The following CNTNAP2 variants were observed in gnomAD, a reference collection of about 807,000 sequenced individuals.
CNTNAP2 encodes contactin-associated protein-like 2.
In CNTNAP2, 98 loss-of-function variants were observed where a neutral mutation model predicts 155.2. That is an observed-to-expected ratio of 0.63 (90% CI 0.54 to 0.75). The LOEUF is 0.75. Among genes scored for constraint, CNTNAP2 ranks in the 30% least tolerant of loss-of-function variants. The probability of loss-of-function intolerance (pLI) is 0.00; values close to 1 mark genes in which losing one functional copy is unlikely to be tolerated. For synonymous variants in CNTNAP2, 651 were observed against 631.2 expected (o/e 1.03, Z -0.47); for missense variants, 1,727 against 1,688.1 (o/e 1.02, Z -0.40).
chr7:146,248,145 C>T (rs1478331641), intron 1 of CNTNAP2, among the ~76,000 whole-genome samples: 2 of 151,592 alleles, frequency 1.3e-5, no homozygotes, highest in African/African-American at 4.9e-5. Context: ...AATAAGGGAT[C>T]AGGGCGCAGA....
intron 9 of CNTNAP2, among the ~76,000 whole-genome samples, chr7:147,335,776 T>C (rs1795654263): frequency 6.6e-6 from 1 of 152,192 alleles, no homozygotes; most frequent in South Asian, 2.1e-4. Context: ...ACAGCATGGA[T>C]TACTGTACTC....
intron 1 of CNTNAP2, among the ~76,000 whole-genome samples, chr7:146,488,630 T>C (rs558925668): frequency 6.6e-6 from 1 of 152,152 alleles, no homozygotes; most frequent in East Asian, 1.9e-4. Flanking sequence ...TTTTTTGTTT[T>C]GTTTTGTTTG....
intron 10 of CNTNAP2, among the ~76,000 whole-genome samples, chr7:147,424,209 T>C (rs1797342843): frequency 6.6e-6 from 1 of 152,168 alleles, no homozygotes; most frequent in South Asian, 2.1e-4. Context: ...TTGTTTAAAA[T>C]ACCTACTTAT....
intron 15 of CNTNAP2, among the ~76,000 whole-genome samples, chr7:148,058,451 G>A (rs960361821): frequency 1.3e-5 from 2 of 152,148 alleles, no homozygotes; most frequent in African/African-American, 4.8e-5. Flanking sequence ...TAGGAGATGA[G>A]GATGCAGCTT....
chr7:146,603,806 A>G (rs1798992767), intron 1 of CNTNAP2, among the ~76,000 whole-genome samples: 1 of 150,030 alleles, frequency 6.7e-6, no homozygotes, highest in African/African-American at 2.4e-5. Flanking sequence ...AAACCTGAGA[A>G]AAACAAGCAA....
At chr7:147,613,104 T>C (rs1801218502) in intron 12 of CNTNAP2, among the ~76,000 whole-genome samples, 1 of 152,206 alleles carries the variant, frequency 6.6e-6, no homozygotes, top group Non-Finnish European at 1.5e-5. Context: ...TTTTCCAAAA[T>C]AGCTCCAAGA....
chr7:146,608,909 A>T (rs1799090385), intron 1 of CNTNAP2, among the ~76,000 whole-genome samples: 1 of 152,000 alleles, frequency 6.6e-6, no homozygotes, highest in Admixed American at 6.6e-5. Flanking sequence ...ATTGCATCCT[A>T]TTTTTTGCAG....
intron 10 of CNTNAP2, among the ~76,000 whole-genome samples, chr7:147,445,271 A>G (rs1022605504): frequency 1.8e-4 from 27 of 152,146 alleles, no homozygotes; most frequent in African/African-American, 6.3e-4. Flanking sequence ...GCTTCCTTTC[A>G]TCTTTTACTT....
intron 12 of CNTNAP2, among the ~76,000 whole-genome samples, chr7:147,633,198 A>G (rs529657533): frequency 6.6e-6 from 1 of 152,336 alleles, no homozygotes; most frequent in Admixed American, 6.5e-5. Flanking sequence ...AGCTCAAGCC[A>G]TTGCTTCAGA....
chr7:147,777,120 T>C (rs1333185034), intron 13 of CNTNAP2, among the ~76,000 whole-genome samples: 1 of 152,138 alleles, frequency 6.6e-6, no homozygotes, highest in Non-Finnish European at 1.5e-5. Flanking sequence ...TGTTATAATA[T>C]AGCATTTCAA....
At chr7:146,914,263 C>A (rs1435004311) in intron 3 of CNTNAP2, among the ~76,000 whole-genome samples, 1 of 151,902 alleles carries the variant, frequency 6.6e-6, no homozygotes, top group Non-Finnish European at 1.5e-5. Flanking sequence ...AACATATGTG[C>A]AAGTATCTTT....
At chr7:146,788,713 A>C (rs1802621606) in intron 2 of CNTNAP2, among the ~76,000 whole-genome samples, 1 of 152,178 alleles carries the variant, frequency 6.6e-6, no homozygotes, top group Admixed American at 6.5e-5. Flanking sequence ...AAACAGCATT[A>C]ACATGTTTAA....
intron 15 of CNTNAP2, among the ~76,000 whole-genome samples, chr7:148,107,815 G>A (rs1053253666): frequency 1.3e-5 from 2 of 152,188 alleles, no homozygotes; most frequent in Non-Finnish European, 2.9e-5. Flanking sequence ...AGTCTCTTCA[G>A]AGCTGCTATT....
At chr7:146,383,441 A>C (rs1795419017) in intron 1 of CNTNAP2, among the ~76,000 whole-genome samples, 1 of 152,134 alleles carries the variant, frequency 6.6e-6, no homozygotes, top group Admixed American at 6.6e-5. Flanking sequence ...TCTGATGAAA[A>C]TGATCTGGTG....
Position 147,414,941 on chromosome 7 carries a change from CAAAAAAAAAAAAA to C in CNTNAP2, c.1670+19171_1670+19183del, listed in dbSNP as rs67048724. Among the ~76,000 whole-genome samples the C allele has an allele frequency of 8.8e-4, 45 of 50,952 alleles. 1 individual carries two copies. Among genetic ancestry groups the C allele is most frequent in the African/African-American group, 2.7e-3 (41 of 15,144 alleles). The allele number at this position is 50,952 out of a possible 152,430, so 33.4% of individuals were successfully genotyped here. On this transcript the variant is annotated intron_variant, in intron 10 of 23. Coordinates refer to ENST00000361727, the MANE Select transcript of CNTNAP2 (RefSeq NM_014141.6). Reference sequence around the variant, plus strand: ...TGGGTGAAAGAGAGAGACTCCTTCTCAAAAAAAAAAAAAAAAAAAAAAGAAAAGAAAAAAAAGA... The same window carrying C: ...TGGGTGAAAGAGAGAGACTCCTTCTCAAAAAAAAAGAAAAGAAAAAAAAGA...
intron 1 of CNTNAP2, among the ~76,000 whole-genome samples, chr7:146,143,868 T>C (rs542906801): frequency 1.3e-5 from 2 of 152,156 alleles, no homozygotes; most frequent in South Asian, 4.1e-4. Flanking sequence ...GTTCAAGCGA[T>C]TTTCCTGCTT....
chr7:146,150,067 C>G (rs189265723), intron 1 of CNTNAP2, among the ~76,000 whole-genome samples: 1 of 152,058 alleles, frequency 6.6e-6, no homozygotes, highest in Non-Finnish European at 1.5e-5. Flanking sequence ...AGATGTCATA[C>G]GAATCAATTG....
At chr7:146,667,832 C>T (rs1221931223) in intron 1 of CNTNAP2, among the ~76,000 whole-genome samples, 1 of 151,828 alleles carries the variant, frequency 6.6e-6, no homozygotes, top group Non-Finnish European at 1.5e-5. Flanking sequence ...TTTTATTCTG[C>T]AATTTTACTG....
At chr7:148,364,063 C>A (rs1464300295) in intron 21 of CNTNAP2, among the ~76,000 whole-genome samples, 5 of 152,228 alleles carry the variant, frequency 3.3e-5, no homozygotes, top group African/African-American at 1.2e-4. Context: ...GGGCTCGGGA[C>A]CTGCAGCCCG....
Sources: gnomAD v4.1 joint callset for allele counts (sites outside exome capture counted in the v4.1 genomes callset) on GRCh38, gnomAD v4.1.1 for gene constraint, MANE v1.5 for transcripts, NCBI Gene and HGNC (gene_info 2026-07-23, HGNC 2026-07-21) for gene names.